Variants in SNX7 observed in about 807,000 individuals in gnomAD.
SNX7 encodes the protein sorting nexin-7.
In SNX7, 35 loss-of-function variants were observed where a neutral mutation model predicts 48.4. The observed-to-expected ratio is 0.72, with a 90% CI of 0.55 to 0.96. SNX7 has a LOEUF of 0.96. Ranked by LOEUF, SNX7 falls within the 40% of genes least tolerant of loss-of-function variation. The pLI, the probability that SNX7 is intolerant of heterozygous loss-of-function variation, is 0.00. For synonymous variants in SNX7, 190 were observed against 190.2 expected (o/e 1.00, Z 0.01); for missense variants, 553 against 548.9 (o/e 1.01, Z -0.07).
At chr1:98,730,997 C>T (rs1403158670) in intron 7 of SNX7, among the ~76,000 whole-genome samples, 1 of 151,986 alleles carries the variant, frequency 6.6e-6, no homozygotes, top group Non-Finnish European at 1.5e-5. Context: ...GGAAAGAGAA[C>T]ATCAGGAAAA....
Position 98,682,490 on chromosome 1 carries a change from A to G in SNX7, c.181-2395A>G, listed in dbSNP as rs149626092. On this transcript the variant is annotated intron_variant, in intron 1 of 8. Transcript: ENST00000306121. Reference sequence around the variant, plus strand: ...GGGAAGTAAGTTTTTGAAATCTTCTATTTCTGAAATGGCTTAATTCTACCT... The same window carrying G: ...GGGAAGTAAGTTTTTGAAATCTTCTGTTTCTGAAATGGCTTAATTCTACCT... 1.6e-3 allele frequency among the ~76,000 whole-genome samples: 239 copies of G among 152,226 alleles called. 2 individuals carry two copies. Among genetic ancestry groups the G allele is most frequent in the African/African-American group, 5.1e-3 (211 of 41,554 alleles).
intron 7 of SNX7, among the ~76,000 whole-genome samples, chr1:98,705,937 G>A (rs566722153): frequency 6.6e-6 from 1 of 152,250 alleles, no homozygotes; most frequent in African/African-American, 2.4e-5. Flanking sequence ...AATGTTTCAA[G>A]TTGTTAATAA....
chr1:98,697,898 G>A (rs1487857887), intron 5 of SNX7, among the ~76,000 whole-genome samples: 2 of 152,266 alleles, frequency 1.3e-5, no homozygotes, highest in South Asian at 2.1e-4. Context: ...AGAAATGGAG[G>A]ACAAGGCAGA....
At chr1:98,725,478 T>C (rs970261671) in intron 7 of SNX7, among the ~76,000 whole-genome samples, 2 of 152,178 alleles carry the variant, frequency 1.3e-5, no homozygotes, top group Non-Finnish European at 1.5e-5. Flanking sequence ...CCTGGTATGG[T>C]ACTTGGCATG....
intron 5 of SNX7, among the ~76,000 whole-genome samples, chr1:98,696,729 T>C (rs1401150119): frequency 1.3e-5 from 2 of 151,202 alleles, no homozygotes; most frequent in Non-Finnish European, 3.0e-5. Context: ...TTATTATTTG[T>C]CTTTTTTTTT....
At chr1:98,725,851 G>A (rs1413872961) in intron 7 of SNX7, among the ~76,000 whole-genome samples, 1 of 152,120 alleles carries the variant, frequency 6.6e-6, no homozygotes, top group Non-Finnish European at 1.5e-5. Flanking sequence ...TATCTGATTT[G>A]GAGAAGGGTC....
chr1:98,742,219 G>A (rs2101040750), intron 8 of SNX7, among the ~76,000 whole-genome samples: 1 of 152,146 alleles, frequency 6.6e-6, no homozygotes, highest in South Asian at 2.1e-4. Flanking sequence ...GAAAGGGTAG[G>A]GAATTCACAA....
intron 2 of SNX7, 36 bp downstream of exon 2, chr1:98,685,103 G>T: frequency 3.0e-6 from 4 of 1,317,282 alleles, no homozygotes; most frequent in Non-Finnish European, 3.0e-6. Flanking sequence ...GAATATAGCT[G>T]CTTTTTTTTA....
chr1:98,752,344 A>G (rs1531769), intron 8 of SNX7, among the ~76,000 whole-genome samples: 107,689 of 151,804 alleles, frequency 0.71, 39,698 homozygotes, highest in South Asian at 0.82. Flanking sequence ...AATTTGATAT[A>G]TGTGCAGGAT....
chr1:98,718,756 A>G (rs1023047582), intron 7 of SNX7, among the ~76,000 whole-genome samples: 1 of 152,084 alleles, frequency 6.6e-6, no homozygotes, highest in Non-Finnish European at 1.5e-5. Context: ...TTCTTTATGC[A>G]TATGCAATAA....
chr1:98,665,638 G>C (rs1309339206), intron 1 of SNX7, among the ~76,000 whole-genome samples: 2 of 151,978 alleles, frequency 1.3e-5, no homozygotes, highest in African/African-American at 4.8e-5. Context: ...ATCTAGGTTG[G>C]AGTGCAGTGG....
At chr1:98,739,945 G>T (rs548526735) in intron 8 of SNX7, among the ~76,000 whole-genome samples, 32 of 152,266 alleles carry the variant, frequency 2.1e-4, no homozygotes, top group South Asian at 1.4e-3. Context: ...TGCTCTGACT[G>T]TACATGGGTC....
chr1:98,667,744 A>AT (rs1048203328), intron 1 of SNX7, among the ~76,000 whole-genome samples: 1 of 152,056 alleles, frequency 6.6e-6, no homozygotes, highest in African/African-American at 2.4e-5. Flanking sequence ...GCTTACTAGT[A>AT]TTATTGCCTA....
At chr1:98,679,449 A>G (rs1473527798) in intron 1 of SNX7, among the ~76,000 whole-genome samples, 1 of 152,054 alleles carries the variant, frequency 6.6e-6, no homozygotes, top group Non-Finnish European at 1.5e-5. Flanking sequence ...TATCAAAAAC[A>G]ATCATGCCCT....
intron 8 of SNX7, among the ~76,000 whole-genome samples, chr1:98,745,463 A>C (rs1372697523): frequency 6.6e-6 from 1 of 152,048 alleles, no homozygotes; most frequent in African/African-American, 2.4e-5. Flanking sequence ...CCTAGACCTC[A>C]GGAGACAGAC....
At chr1:98,723,570 A>G (rs533944444) in intron 7 of SNX7, among the ~76,000 whole-genome samples, 1 of 152,094 alleles carries the variant, frequency 6.6e-6, no homozygotes, top group Non-Finnish European at 1.5e-5. Flanking sequence ...GGTTTTCTAC[A>G]TAGAAAATTC....
In SNX7 at chr1:98,737,477, G is replaced by T. The variant is rs117709078; in HGVS notation, c.1126-760G>T. ...ACTACTGAATCTCCAGGTCTTAGACGAATGCCTGCTACAGACAAGACACTT... is the reference window on the plus strand; with the variant it reads ...ACTACTGAATCTCCAGGTCTTAGACTAATGCCTGCTACAGACAAGACACTT... On this transcript the variant is annotated intron_variant, in intron 7 of 8. Transcript: ENST00000306121. 3.3e-5 allele frequency among the ~76,000 whole-genome samples: 5 copies of T among 152,146 alleles called. No individual in the cohort carries two copies. In the East Asian group the frequency reaches 9.7e-4, roughly 29 times the overall value.
intron 1 of SNX7, 188 bp downstream of exon 1, chr1:98,662,099 C>T: frequency 2.0e-6 from 1 of 510,568 alleles, no homozygotes. Context: ...GCCGCGTCGC[C>T]TCGGGGCCTC....
At chr1:98,740,968 G>A (rs1389373327) in intron 8 of SNX7, among the ~76,000 whole-genome samples, 1 of 152,052 alleles carries the variant, frequency 6.6e-6, no homozygotes. Context: ...CATCAGTCCA[G>A]TAAAACAAAA....
Sources: allele counts gnomAD v4.1 joint callset (sites outside exome capture counted in the v4.1 genomes callset), GRCh38; gene constraint gnomAD v4.1.1; transcripts MANE v1.5; gene names NCBI Gene and HGNC (gene_info 2026-07-23, HGNC 2026-07-21).